The following DYNC1I1 variants were observed in gnomAD, a reference collection of about 807,000 sequenced individuals.
DYNC1I1 encodes the protein cytoplasmic dynein 1 intermediate chain 1.
DYNC1I1 carries 43 observed loss-of-function variants against 86.6 expected under a neutral mutation model. That is an observed-to-expected ratio of 0.50 (90% CI 0.39 to 0.64). The LOEUF (loss-of-function observed/expected upper bound fraction) is 0.64. Ranked by LOEUF, DYNC1I1 falls within the 30% of genes least tolerant of loss-of-function variation. DYNC1I1 has a pLI of 0.00. For synonymous variants in DYNC1I1, 262 were observed against 283.7 expected, an observed-to-expected ratio of 0.92 and a Z score of 0.77; for missense variants, 604 against 788.8, an observed-to-expected ratio of 0.77 and a Z score of 2.81.
intron 14 of DYNC1I1, among the ~76,000 whole-genome samples, chr7:96,074,477 G>C (rs1368846549): frequency 6.6e-6 from 1 of 151,556 alleles, no homozygotes; most frequent in African/African-American, 2.4e-5. Flanking sequence ...CGTGAACCCG[G>C]GAGGCGGAGC....
intron 14 of DYNC1I1, among the ~76,000 whole-genome samples, chr7:96,054,719 C>G (rs1472909592): frequency 6.6e-6 from 1 of 152,156 alleles, no homozygotes; most frequent in African/African-American, 2.4e-5. Context: ...CTCTAATGAC[C>G]AGTGATGGTG....
chr7:95,820,921 A>G (rs1285989908), intron 4 of DYNC1I1, among the ~76,000 whole-genome samples: 1 of 152,210 alleles, frequency 6.6e-6, no homozygotes, highest in South Asian at 2.1e-4. Flanking sequence ...TTCCTTCTTC[A>G]GTATGGAAGT....
intron 5 of DYNC1I1, among the ~76,000 whole-genome samples, chr7:95,840,476 T>G (rs1484194234): frequency 6.6e-6 from 1 of 152,222 alleles, no homozygotes; most frequent in Non-Finnish European, 1.5e-5. Flanking sequence ...GTTCATGCAT[T>G]TCTCTCCTAA....
chr7:96,081,003 G>A lies in DYNC1I1; in HGVS notation c.1776+515G>A, dbSNP rs543826449. 2.0e-5 allele frequency among the ~76,000 whole-genome samples: 3 copies of A among 150,622 alleles called. No individual in the cohort carries two copies. In the East Asian group the frequency reaches 5.9e-4, roughly 30 times the overall value. On this transcript the variant is annotated intron_variant, in intron 16 of 16. Transcript: ENST00000447467. ...GAGAACCACTTGAATCTGGGAGGCAGAGGTTGCAGTGAGCCGAGATTGCAC... is the reference window on the plus strand; with the variant it reads ...GAGAACCACTTGAATCTGGGAGGCAAAGGTTGCAGTGAGCCGAGATTGCAC...
intron 6 of DYNC1I1, among the ~76,000 whole-genome samples, chr7:95,956,380 CTT>C (rs57664357): frequency 0.03 from 4,161 of 140,042 alleles, 148 homozygotes; most frequent in African/African-American, 0.081. Context: ...CTTTTTTTCT[CTT>C]TTTTTTTTTT....
intron 6 of DYNC1I1, among the ~76,000 whole-genome samples, chr7:95,974,461 C>A (rs180939653): frequency 6.6e-6 from 1 of 152,122 alleles, no homozygotes; most frequent in Non-Finnish European, 1.5e-5. Context: ...CTTACAACAA[C>A]GTGTTTTAAG....
At chr7:95,987,291 G>T in intron 9 of DYNC1I1, 136 bp downstream of exon 9, 1 of 732,528 alleles carries the variant, frequency 1.4e-6, no homozygotes, top group Non-Finnish European at 2.3e-6. Flanking sequence ...TTTTATTGAG[G>T]TTTCAGTTTC....
At chr7:95,826,130 A>G (rs1386075993) in intron 4 of DYNC1I1, among the ~76,000 whole-genome samples, 3 of 152,222 alleles carry the variant, frequency 2.0e-5, no homozygotes, top group Non-Finnish European at 1.5e-5. Context: ...ACTAAGTCAG[A>G]CTGCATTTTA....
Position 95,796,435 on chromosome 7 carries a change from C to T in DYNC1I1, c.-9-8286C>T, listed in dbSNP as rs554400146. On this transcript the variant is annotated intron_variant, in intron 1 of 16. Transcript: ENST00000447467. Reference sequence around the variant, plus strand: ...AGTGATTCTCCTGCCTCAGCCTTCCCGAGTAGCTGGGATTACAGGCGCATG... The same window carrying T: ...AGTGATTCTCCTGCCTCAGCCTTCCTGAGTAGCTGGGATTACAGGCGCATG... Among the ~76,000 whole-genome samples the T allele has an allele frequency of 9.9e-5, 15 of 152,198 alleles. No individual in the cohort carries two copies. The South Asian group carries it at 3.1e-3, about 32-fold the overall frequency.
chr7:95,978,854 G>A (rs540301651), intron 7 of DYNC1I1, among the ~76,000 whole-genome samples: 9 of 151,964 alleles, frequency 5.9e-5, no homozygotes, highest in South Asian at 2.1e-4. Flanking sequence ...GCAGTGCAGC[G>A]ACGTGATCTC....
intron 10 of DYNC1I1, among the ~76,000 whole-genome samples, chr7:96,005,292 G>A (rs1794113817): frequency 1.3e-5 from 2 of 152,152 alleles, no homozygotes; most frequent in African/African-American, 4.8e-5. Context: ...CCTTCACCTT[G>A]CTAATAATAG....
At chr7:96,086,673 A>G (rs1388159014) in intron 16 of DYNC1I1, among the ~76,000 whole-genome samples, 1 of 152,202 alleles carries the variant, frequency 6.6e-6, no homozygotes, top group Non-Finnish European at 1.5e-5. Context: ...TACATTTGAC[A>G]TTGGATATAT....
At chr7:95,777,901 C>T (rs968137963) in intron 1 of DYNC1I1, among the ~76,000 whole-genome samples, 2 of 152,126 alleles carry the variant, frequency 1.3e-5, no homozygotes, top group African/African-American at 4.8e-5. Context: ...AGCTCCATCA[C>T]CTCCACACAT....
intron 6 of DYNC1I1, among the ~76,000 whole-genome samples, chr7:95,944,318 C>A (rs1477507474): frequency 1.3e-5 from 2 of 152,198 alleles, no homozygotes; most frequent in Non-Finnish European, 2.9e-5. Flanking sequence ...ATCAAAACCA[C>A]AATGAGATAC....
rs1218746993 is a variant in DYNC1I1, at chr7:95,981,360, A to T, written c.581-3455A>T. On this transcript the variant is annotated intron_variant, in intron 7 of 16. Coordinates refer to ENST00000447467, the MANE Select transcript of DYNC1I1 (RefSeq NM_001135556.2). ...CAATCATGCTTGAAAGATTTATTTA[A>T]AAGTATTTTCATATAAAAAATAAGA... Among the ~76,000 whole-genome samples the T allele has an allele frequency of 2.0e-5, 3 of 152,260 alleles. No individual in the cohort carries two copies. In the East Asian group the frequency reaches 5.8e-4, roughly 29 times the overall value.
At chr7:96,092,612 TTAGAC>T (rs1464578059) in intron 16 of DYNC1I1, among the ~76,000 whole-genome samples, 2 of 151,976 alleles carry the variant, frequency 1.3e-5, no homozygotes, top group African/African-American at 4.8e-5. Flanking sequence ...CGAGCAAGGG[TTAGAC>T]TGATAAGTTT....
chr7:95,918,810 G>A (rs1562943730), intron 6 of DYNC1I1, among the ~76,000 whole-genome samples: 1 of 152,150 alleles, frequency 6.6e-6, no homozygotes, highest in Non-Finnish European at 1.5e-5. Flanking sequence ...TGTTTACCAT[G>A]CCCCCCATTA....
intron 12 of DYNC1I1, among the ~76,000 whole-genome samples, chr7:96,032,986 T>A (rs1436239967): frequency 6.6e-6 from 1 of 152,248 alleles, no homozygotes; most frequent in African/African-American, 2.4e-5. Flanking sequence ...ATTATTGTAA[T>A]ACATTAATCC....
intron 6 of DYNC1I1, among the ~76,000 whole-genome samples, chr7:95,937,020 G>T (rs182711986): frequency 2.1e-4 from 29 of 141,058 alleles, no homozygotes; most frequent in African/African-American, 7.6e-4. Flanking sequence ...AAAAAAAGAA[G>T]AAATTTGCAA....
Sources: allele counts gnomAD v4.1 joint callset (sites outside exome capture counted in the v4.1 genomes callset), GRCh38; gene constraint gnomAD v4.1.1; transcripts MANE v1.5; gene names NCBI Gene and HGNC (gene_info 2026-07-23, HGNC 2026-07-21).